The following CFAP43 variants were observed in gnomAD, a reference collection of about 807,000 sequenced individuals.
The protein encoded by CFAP43 is cilia and flagella associated protein 43.
Under a neutral mutation model 218.9 loss-of-function variants are expected in CFAP43, and 155 were observed. The observed-to-expected ratio is 0.71, with a 90% CI of 0.62 to 0.81. CFAP43 has a LOEUF of 0.81. Among genes scored for constraint, CFAP43 ranks in the 30% least tolerant of loss-of-function variants. The probability of loss-of-function intolerance (pLI) is 0.00; values close to 1 mark genes in which losing one functional copy is unlikely to be tolerated. For synonymous variants in CFAP43, 645 were observed against 681.3 expected, an observed-to-expected ratio of 0.95 and a Z score of 0.83; for missense variants, 1,778 against 1,954.3, an observed-to-expected ratio of 0.91 and a Z score of 1.70.
chr10:104,227,937 C>A (rs1439352960), intron 2 of CFAP43, among the ~76,000 whole-genome samples: 2 of 149,728 alleles, frequency 1.3e-5, no homozygotes, highest in East Asian at 3.9e-4. Flanking sequence ...ACCTCCGCCT[C>A]CCGGGTTCAA....
intron 31 of CFAP43, among the ~76,000 whole-genome samples, chr10:104,144,592 T>C (rs946331882): frequency 3.3e-5 from 5 of 152,090 alleles, no homozygotes; most frequent in South Asian, 2.1e-4. Context: ...GAGGTTGCAG[T>C]GAGCAGAGAT....
chr10:104,225,328 T>C (rs2091281018), intron 3 of CFAP43, 133 bp downstream of exon 3: 3 of 760,516 alleles, frequency 3.9e-6, no homozygotes, highest in African/African-American at 1.8e-5. Flanking sequence ...GTATTAAAAC[T>C]TGTGATTGGC....
At chr10:104,179,155 C>CAGAGAGAGAGAG in intron 18 of CFAP43, 49 bp from the exon 19 acceptor site, 4 of 1,065,708 alleles carry the variant, frequency 3.8e-6, no homozygotes, top group Non-Finnish European at 5.5e-6. Flanking sequence ...AAATATCAGA[C>CAGAGAGAGAGAG]AGAGAGAGAG....
chr10:104,137,214 A>T (rs1397774867), intron 34 of CFAP43, among the ~76,000 whole-genome samples: 1 of 152,256 alleles, frequency 6.6e-6, no homozygotes, highest in African/African-American at 2.4e-5. Flanking sequence ...GAAATAGCCC[A>T]AATATTCACC....
intron 3 of CFAP43, chr10:104,218,718 A>G: frequency 9.8e-6 from 5 of 509,924 alleles, no homozygotes; most frequent in Non-Finnish European, 1.6e-5. Context: ...CTGCATTTCA[A>G]CAGAAGGTTT....
intron 10 of CFAP43, 126 bp downstream of exon 10, chr10:104,196,727 G>A: frequency 1.4e-6 from 1 of 720,026 alleles, no homozygotes; most frequent in South Asian, 2.2e-5. Context: ...TGTAAATCTA[G>A]AAGGCAAAAA....
chr10:104,171,003 C>T (rs1037565129), intron 20 of CFAP43, among the ~76,000 whole-genome samples: 1 of 152,256 alleles, frequency 6.6e-6, no homozygotes, highest in Admixed American at 6.5e-5. Context: ...ACATTCTCTT[C>T]CCTCAGATCT....
At chr10:104,210,304 C>A (rs975067851) in intron 5 of CFAP43, among the ~76,000 whole-genome samples, 3 of 152,246 alleles carry the variant, frequency 2.0e-5, no homozygotes, top group African/African-American at 7.2e-5. Context: ...GTAACCCTTT[C>A]TCTTGCTTGC....
chr10:104,155,744 C>T (rs548102483), intron 27 of CFAP43, among the ~76,000 whole-genome samples: 126 of 152,114 alleles, frequency 8.3e-4, no homozygotes, highest in African/African-American at 2.8e-3. Flanking sequence ...GGGGGAAGAG[C>T]GCTCCAGGCC....
At position 104,179,945 on chromosome 10, in the gene CFAP43, A is replaced by T; in HGVS notation, c.2290-13T>A. The stretch of plus-strand genomic sequence containing the variant: ...TTGCCTTCTGTTTCTGATACATGGT[A>T]GAAAAAGACAGACATGTCTTAAAGT... On this transcript the variant is annotated splice_polypyrimidine_tract_variant and intron_variant, in intron 17 of 37. Transcript: ENST00000357060. The T allele has an allele frequency of 6.3e-7, 1 of 1,599,852 alleles. No homozygotes were observed. Among genetic ancestry groups the T allele is most frequent in the African/African-American group, 1.3e-5 (1 of 74,718 alleles).
intron 24 of CFAP43, 51 bp from the exon 25 acceptor site, chr10:104,162,454 A>G (rs1195817760): frequency 6.6e-7 from 1 of 1,520,420 alleles, no homozygotes; most frequent in Non-Finnish European, 9.1e-7. Context: ...AATTCAAACT[A>G]AACTTTCCTT....
chr10:104,227,315 C>T (rs541996315), intron 2 of CFAP43, among the ~76,000 whole-genome samples: 3 of 152,160 alleles, frequency 2.0e-5, no homozygotes, highest in South Asian at 2.1e-4. Flanking sequence ...AAATTGAATT[C>T]GTCTTGAAGT....
intron 28 of CFAP43, among the ~76,000 whole-genome samples, chr10:104,150,231 G>T (rs967723470): frequency 2.6e-5 from 4 of 152,114 alleles, no homozygotes; most frequent in Non-Finnish European, 4.4e-5. Flanking sequence ...TATGACTAAT[G>T]CTGCTGTTAG....
At position 104,207,649 on chromosome 10, in the gene CFAP43, T is replaced by A. The variant is rs565487684; in HGVS notation, c.895+16A>T. On this transcript the variant is annotated intron_variant, in intron 6 of 37. Transcript: ENST00000357060. ...CCCATGGCTATACAGGAATATGAAG[T>A]AGGACAGTTTCTTACCCAATGGCGA... The A allele has an allele frequency of 5.7e-6, 9 of 1,571,820 alleles. No individual in the cohort carries two copies. Among genetic ancestry groups the A allele is most frequent in the African/African-American group, 4.1e-5 (3 of 73,764 alleles).
intron 34 of CFAP43, among the ~76,000 whole-genome samples, chr10:104,137,086 TACA>T (rs1427065465): frequency 2.6e-5 from 4 of 152,182 alleles, no homozygotes; most frequent in Non-Finnish European, 4.4e-5. Context: ...CAGTTAAACA[TACA>T]ATGACCATAC....
At chr10:104,202,383 T>C (rs1233129769) in intron 8 of CFAP43, among the ~76,000 whole-genome samples, 2 of 152,224 alleles carry the variant, frequency 1.3e-5, no homozygotes, top group African/African-American at 4.8e-5. Flanking sequence ...GTATTCTGTT[T>C]GGGATTCACT....
At chr10:104,231,273 T>C (rs2091441619) in intron 1 of CFAP43, among the ~76,000 whole-genome samples, 1 of 152,234 alleles carries the variant, frequency 6.6e-6, no homozygotes, top group Admixed American at 6.5e-5. Flanking sequence ...CAACTTTGCA[T>C]AGGACAGCCT....
Position 104,187,407 on chromosome 10 carries a change from G to A in CFAP43, c.1773C>T (p.Ser591=), listed in dbSNP as rs772757169. ...TACTTTGAAAGCCCAAGACTGCAGA[G>A]GACAGAGCGTGCTCCAACTCATACA... ...KYLYELEHAL[S]SAVLGFQSNQ... The change falls in exon 14 of 38, where the codon TCC becomes TCT. Residue 591 remains serine (S), a synonymous_variant. Coordinates refer to ENST00000357060, the MANE Select transcript of CFAP43 (RefSeq NM_025145.7). 6.2e-7 allele frequency: 1 copy of A among 1,611,430 alleles called. No individual in the cohort carries two copies. Among genetic ancestry groups the A allele is most frequent in the South Asian group, 1.1e-5 (1 of 90,538 alleles).
At chr10:104,166,925 G>A (rs1044559419) in intron 22 of CFAP43, among the ~76,000 whole-genome samples, 1 of 152,160 alleles carries the variant, frequency 6.6e-6, no homozygotes, top group Non-Finnish European at 1.5e-5. Flanking sequence ...ATAAATCAAA[G>A]GAATAAAAAT....
Sources: allele counts gnomAD v4.1 joint callset (sites outside exome capture counted in the v4.1 genomes callset), GRCh38; gene constraint gnomAD v4.1.1; transcripts MANE v1.5; gene names NCBI Gene and HGNC (gene_info 2026-07-23, HGNC 2026-07-21).